TAF15: variants seen among roughly 807,000 people sequenced by gnomAD.
The protein encoded by TAF15 is TATA-binding protein-associated factor 2N.
TAF15 carries 37 observed loss-of-function variants against 102.5 expected under a neutral mutation model. The observed-to-expected ratio is 0.36, with a 90% CI of 0.28 to 0.47. The LOEUF (loss-of-function observed/expected upper bound fraction) is 0.47, where lower values mean the gene tolerates loss of function less well. TAF15 is among the 20% of genes least tolerant of loss of function. The pLI is 0.99. For synonymous variants in TAF15, 273 were observed against 259.2 expected (o/e 1.05, Z -0.51); for missense variants, 652 against 760.7 (o/e 0.86, Z 1.68).
intron 7 of TAF15, chr17:35,833,657 A>G: frequency 2.2e-6 from 1 of 448,102 alleles, no homozygotes; most frequent in Middle Eastern, 6.2e-4. Context: ...TGGGGTTGGG[A>G]AGATTTAGAA....
In TAF15 at chr17:35,828,076, C is replaced by T. The variant is rs147716736; in HGVS notation, c.605+3878C>T. Among the ~76,000 whole-genome samples, 769 of 152,260 alleles carry T rather than the reference C, an allele frequency of 5.1e-3. 7 individuals carry two copies. Among genetic ancestry groups the T allele is most frequent in the African/African-American group, 0.017 (703 of 41,544 alleles). ...ATTGCCAGAACTTAATAAATAATTGCTTTTCATTATTAGTATGCCATCAAA... is the reference window on the plus strand; with the variant it reads ...ATTGCCAGAACTTAATAAATAATTGTTTTTCATTATTAGTATGCCATCAAA... On this transcript the variant is annotated intron_variant, in intron 7 of 15. Transcript: ENST00000605844.
intron 1 of TAF15, chr17:35,816,673 A>T (rs1332369476): frequency 6.6e-6 from 1 of 152,170 alleles, no homozygotes; most frequent in Non-Finnish European, 1.5e-5. Flanking sequence ...TTGGTCATTC[A>T]TTTGACTCTG....
At chr17:35,829,631 CA>C (rs746776421) in intron 7 of TAF15, among the ~76,000 whole-genome samples, 1,033 of 33,062 alleles carry the variant, frequency 0.031, no homozygotes, top group Middle Eastern at 0.077. Flanking sequence ...GACTCCATCT[CA>C]AAAAAAAAAA....
intron 10 of TAF15, among the ~76,000 whole-genome samples, chr17:35,837,599 G>T (rs4251770): frequency 6.6e-6 from 1 of 151,850 alleles, no homozygotes; most frequent in East Asian, 2.0e-4. Flanking sequence ...AGGCCAAGGC[G>T]GGTGGATCAC....
chr17:35,831,080 C>A (rs1275749903), intron 7 of TAF15, among the ~76,000 whole-genome samples: 3 of 152,100 alleles, frequency 2.0e-5, no homozygotes, highest in Non-Finnish European at 4.4e-5. Context: ...TCTTCAGCTG[C>A]TTTATTTTCA....
intron 10 of TAF15, among the ~76,000 whole-genome samples, chr17:35,837,812 G>A (rs546960333): frequency 6.6e-6 from 1 of 152,182 alleles, no homozygotes; most frequent in South Asian, 2.1e-4. Context: ...GGGCAACAGA[G>A]CGAGACTCCA....
intron 1 of TAF15, 112 bp from the exon 2 acceptor site, chr17:35,817,604 T>A: frequency 5.6e-6 from 5 of 895,064 alleles, no homozygotes; most frequent in Non-Finnish European, 8.8e-6. Context: ...TTAGTTTTTC[T>A]TTCTGCAGTT....
At chr17:35,824,973 C>T (rs1410683153) in intron 7 of TAF15, among the ~76,000 whole-genome samples, 1 of 151,276 alleles carries the variant, frequency 6.6e-6, no homozygotes, top group Admixed American at 6.6e-5. Flanking sequence ...AAGAAGTTTG[C>T]AGGTTGCATA....
chr17:35,813,452 G>A (rs2087151487), intron 1 of TAF15, among the ~76,000 whole-genome samples: 1 of 152,060 alleles, frequency 6.6e-6, no homozygotes, highest in South Asian at 2.1e-4. Flanking sequence ...TGGGCAACGT[G>A]ATGAAACTCC....
intron 6 of TAF15, chr17:35,823,706 CA>C (rs57004932): frequency 0.11 from 17,471 of 160,238 alleles, 48 homozygotes; most frequent in South Asian, 0.14. Flanking sequence ...CTCTTGTCTC[CA>C]AAAAAAAAAA....
chr17:35,819,478 T>A (rs1488850111), intron 2 of TAF15, among the ~76,000 whole-genome samples: 1 of 152,184 alleles, frequency 6.6e-6, no homozygotes, highest in Non-Finnish European at 1.5e-5. Context: ...ATAATTTCAT[T>A]CAATGACTGT....
intron 15 of TAF15, 47 bp from the exon 16 acceptor site, chr17:35,846,859 T>C (rs2087629091): frequency 6.2e-7 from 1 of 1,609,514 alleles, no homozygotes; most frequent in South Asian, 1.1e-5. Context: ...TGCTCCCCCT[T>C]CGTAGAAAAT....
chr17:35,845,781 C>T (rs2087617162), intron 15 of TAF15, among the ~76,000 whole-genome samples: 1 of 152,250 alleles, frequency 6.6e-6, no homozygotes, highest in Admixed American at 6.5e-5. Flanking sequence ...GCCACTGTGC[C>T]TGTCCACCTG....
Position 35,834,736 on chromosome 17 carries a change from A to C in TAF15, c.673+138A>C, listed in dbSNP as rs867174741. On this transcript the variant is annotated intron_variant, in intron 9 of 15. Coordinates refer to ENST00000605844, the MANE Select transcript of TAF15 (RefSeq NM_139215.3). The stretch of plus-strand genomic sequence containing the variant: ...AGTGCTGCCAGAACTGGGGAGCTTT[A>C]TTTCTTTTTTTTTTTTTTTTTTTTT... 119 of 241,590 alleles carry C rather than the reference A, an allele frequency of 4.9e-4. No individual in the cohort carries two copies. The African/African-American group carries it at 5.9e-3, about 12-fold the overall frequency. The allele number at this position is 241,590 out of a possible 1,614,324, so 15.0% of individuals were successfully genotyped here. A position where few individuals can be genotyped will look rare whatever the true frequency, so the allele number is the denominator to read the frequency against.
intron 9 of TAF15, 142 bp downstream of exon 9, chr17:35,834,740 C>CTGTTTTTTTTTTTTTTTTTTTTTTTTTTT (rs2087451676): frequency 4.7e-6 from 1 of 212,936 alleles, no homozygotes; most frequent in Non-Finnish European, 7.9e-6. Context: ...AGCTTTATTT[C>CTGTTTTTTTTTTTTTTTTTTTTTTTTTTT]TTTTTTTTTT....
At chr17:35,841,008 G>T (rs2087536757) in intron 11 of TAF15, among the ~76,000 whole-genome samples, 1 of 152,218 alleles carries the variant, frequency 6.6e-6, no homozygotes, top group African/African-American at 2.4e-5. Flanking sequence ...AAGAATGAGA[G>T]AAATGAATCA....
intron 1 of TAF15, among the ~76,000 whole-genome samples, chr17:35,815,332 C>G (rs897803272): frequency 1.3e-5 from 2 of 152,184 alleles, no homozygotes; most frequent in Non-Finnish European, 2.9e-5. Flanking sequence ...ATGCCTTAAT[C>G]TATAAACTGA....
At position 35,821,578 on chromosome 17, in the gene TAF15, T is replaced by G. The variant is rs185596021; in HGVS notation, c.291-1062T>G. The stretch of plus-strand genomic sequence containing the variant: ...GAATAAAATGTAAACTATTAAGTTA[T>G]GAGATCTTTTTTGTCCCCCCCCAGC... On this transcript the variant is annotated intron_variant, in intron 5 of 15. Transcript: ENST00000605844. 2.9e-3 allele frequency among the ~76,000 whole-genome samples: 440 copies of G among 152,200 alleles called. 3 individuals are homozygous for G. The highest frequency in any genetic ancestry group is 0.01 in the African/African-American group (423 of 41,538).
chr17:35,833,085 A>T (rs2087426603), intron 7 of TAF15, among the ~76,000 whole-genome samples: 1 of 151,834 alleles, frequency 6.6e-6, no homozygotes, highest in Non-Finnish European at 1.5e-5. Context: ...TGAACCTGGG[A>T]GGTGGAGGTT....
Sources: allele counts gnomAD v4.1 joint callset (sites outside exome capture counted in the v4.1 genomes callset), GRCh38; gene constraint gnomAD v4.1.1; transcripts MANE v1.5; gene names NCBI Gene and HGNC (gene_info 2026-07-23, HGNC 2026-07-21).